NHS: variants seen among roughly 807,000 people sequenced by gnomAD.
The protein encoded by NHS is actin remodeling regulator NHS.
In NHS, 5 loss-of-function variants were observed where a neutral mutation model predicts 72.5. That is an observed-to-expected ratio of 0.07 (90% CI 0.04 to 0.14). NHS has a LOEUF of 0.14. Ranked by LOEUF, NHS falls within the 10% of genes least tolerant of loss-of-function variation. The probability of loss-of-function intolerance (pLI) is 1.00; values close to 1 mark genes in which losing one functional copy is unlikely to be tolerated. For synonymous variants in NHS, 464 were observed against 547.7 expected, an observed-to-expected ratio of 0.85 and a Z score of 2.13; for missense variants, 1,072 against 1,355.7, an observed-to-expected ratio of 0.79 and a Z score of 3.29.
intron 1 of NHS, among the ~76,000 whole-genome samples, chrX:17,572,070 A>G (rs1214074893): frequency 9.0e-6 from 1 of 111,511 alleles, no homozygotes; most frequent in African/African-American, 3.3e-5. Flanking sequence ...TTTGCTGAGG[A>G]GTGTTTTACT....
intron 1 of NHS, among the ~76,000 whole-genome samples, chrX:17,408,495 T>C (rs767583937): frequency 3.4e-4 from 38 of 111,609 alleles, no homozygotes; most frequent in Non-Finnish European, 5.5e-4. Context: ...GGCCCATGTG[T>C]CCTTTGTCTT....
At chrX:17,617,577 T>A (rs914240547) in intron 1 of NHS, among the ~76,000 whole-genome samples, 1 of 111,848 alleles carries the variant, frequency 8.9e-6, no homozygotes, top group African/African-American at 3.3e-5. Context: ...CAAATGAAAA[T>A]GAGATGTGTC....
Position 17,728,679 on chromosome X carries a change from C to T in NHS, c.4253C>T (p.Ser1418Leu). Residue 1418 changes from serine (S) to leucine (L), a missense_variant, in exon 8 of 9, where the codon TCA becomes TTA. Coordinates refer to ENST00000676302, the MANE Select transcript of NHS (RefSeq NM_001291867.2). ...TCACCGAGTGATGACTCCATCATTT[C>T]ACCACTTAGTGAAGACTCCCAAGCT... ...ESSPSDDSII[S>L]PLSEDSQAEA... 8.3e-7 allele frequency: 1 copy of T among 1,210,386 alleles called. No individual in the cohort carries two copies. The highest frequency in any genetic ancestry group is 1.1e-6 in the Non-Finnish European group (1 of 894,661).
intron 1 of NHS, among the ~76,000 whole-genome samples, chrX:17,389,620 G>T (rs868484770): frequency 9.8e-5 from 8 of 81,736 alleles, no homozygotes; most frequent in Non-Finnish European, 1.7e-4. Flanking sequence ...TTTATTTTTT[G>T]AGACAGAGTC....
chrX:17,680,004 C>T (rs942210028), intron 1 of NHS, among the ~76,000 whole-genome samples: 4 of 112,069 alleles, frequency 3.6e-5, no homozygotes, highest in African/African-American at 1.3e-4. Flanking sequence ...CAGCCATAGT[C>T]TCCTCAGAGC....
chrX:17,498,434 C>T (rs759325659), intron 1 of NHS, among the ~76,000 whole-genome samples: 1 of 111,866 alleles, frequency 8.9e-6, no homozygotes, highest in Admixed American at 9.5e-5. Flanking sequence ...ACCGTTCTCA[C>T]AAAGTATAAC....
intron 3 of NHS, among the ~76,000 whole-genome samples, chrX:17,704,441 C>G (rs1304776732): frequency 9.1e-6 from 1 of 110,195 alleles, no homozygotes; most frequent in Non-Finnish European, 1.9e-5. Flanking sequence ...GCTGGGATTA[C>G]AGTTACGCGC....
At chrX:17,410,538 C>T (rs865913462) in intron 1 of NHS, among the ~76,000 whole-genome samples, 1,646 of 58,629 alleles carry the variant, frequency 0.028, 40 homozygotes, top group African/African-American at 0.089. Context: ...TTTTTTTTTT[C>T]CAGACCTTAG....
intron 3 of NHS, among the ~76,000 whole-genome samples, chrX:17,703,023 C>T (rs2066275060): frequency 1.8e-5 from 2 of 110,664 alleles, no homozygotes; most frequent in Non-Finnish European, 3.8e-5. Context: ...AATCCCAACA[C>T]TTTGAGAGGC....
intron 1 of NHS, among the ~76,000 whole-genome samples, chrX:17,651,855 G>A (rs946218943): frequency 4.4e-5 from 5 of 112,578 alleles, no homozygotes; most frequent in African/African-American, 1.6e-4. Context: ...GTTCTTGGTT[G>A]GATAAACTTT....
chrX:17,545,346 C>T (rs902977252), intron 1 of NHS, among the ~76,000 whole-genome samples: 6 of 112,356 alleles, frequency 5.3e-5, no homozygotes, highest in African/African-American at 1.9e-4. Flanking sequence ...TCTGTTTCAA[C>T]ATTTGGCAGG....
intron 1 of NHS, among the ~76,000 whole-genome samples, chrX:17,485,174 C>T (rs1234934924): frequency 2.7e-5 from 3 of 112,423 alleles, no homozygotes; most frequent in Admixed American, 9.4e-5. Context: ...AGGTTACCTA[C>T]GTAGCACCAG....
intron 1 of NHS, among the ~76,000 whole-genome samples, chrX:17,542,392 G>T (rs763881176): frequency 8.8e-6 from 1 of 113,484 alleles, no homozygotes; most frequent in African/African-American, 3.2e-5. Context: ...TTCCTTCCTG[G>T]CATTGGCCCA....
intron 1 of NHS, among the ~76,000 whole-genome samples, chrX:17,427,492 G>T (rs2064663300): frequency 8.9e-6 from 1 of 112,642 alleles, no homozygotes; most frequent in South Asian, 3.6e-4. Context: ...GACTTGCTGA[G>T]TGTTTGTAGG....
chrX:17,559,426 GC>G (rs2065400578), intron 1 of NHS, among the ~76,000 whole-genome samples: 2 of 112,067 alleles, frequency 1.8e-5, no homozygotes, highest in African/African-American at 6.5e-5. Context: ...GAGGCAGGGT[GC>G]TTTTAGCTGG....
At chrX:17,723,846 C>T (rs1410394642) in intron 5 of NHS, among the ~76,000 whole-genome samples, 1 of 108,127 alleles carries the variant, frequency 9.2e-6, no homozygotes, top group Non-Finnish European at 1.9e-5. Flanking sequence ...CTCACAAAGA[C>T]GGCTTTTAAT....
chrX:17,521,573 G>C (rs1055706720), intron 1 of NHS, among the ~76,000 whole-genome samples: 1 of 110,718 alleles, frequency 9.0e-6, no homozygotes, highest in Non-Finnish European at 1.9e-5. Flanking sequence ...GTCTTACCCA[G>C]GCTGGTCTCA....
At chrX:17,551,388 A>C (rs2065335471) in intron 1 of NHS, among the ~76,000 whole-genome samples, 2 of 111,765 alleles carry the variant, frequency 1.8e-5, no homozygotes, top group South Asian at 7.6e-4. Flanking sequence ...TGCAGAAGCC[A>C]AATTCTTTTT....
At chrX:17,398,556 G>T (rs910042825) in intron 1 of NHS, among the ~76,000 whole-genome samples, 1 of 112,346 alleles carries the variant, frequency 8.9e-6, no homozygotes, top group African/African-American at 3.2e-5. Flanking sequence ...ATAATTCTAT[G>T]AGTTGGCAAT....
Sources: allele counts gnomAD v4.1 joint callset (sites outside exome capture counted in the v4.1 genomes callset), GRCh38; gene constraint gnomAD v4.1.1; transcripts MANE v1.5; gene names NCBI Gene and HGNC (gene_info 2026-07-23, HGNC 2026-07-21).